NEGR1: variants seen among roughly 807,000 people sequenced by gnomAD.
NEGR1 encodes the protein neuronal growth regulator 1, also known as IgLON family member 4.
NEGR1 carries 10 observed loss-of-function variants against 40.9 expected under a neutral mutation model. That is an observed-to-expected ratio of 0.24 (90% confidence interval 0.15 to 0.42). NEGR1 has a LOEUF of 0.42. Among genes scored for constraint, NEGR1 ranks in the 10% least tolerant of loss-of-function variants. NEGR1 has a pLI of 1.00. For missense variants in NEGR1, 352 were observed against 438.9 expected (o/e 0.80, Z 1.77); for synonymous variants, 185 against 166.8 (o/e 1.11, Z -0.84).
At chr1:71,741,651 C>T (rs1292625971) in intron 3 of NEGR1, among the ~76,000 whole-genome samples, 2 of 152,108 alleles carry the variant, frequency 1.3e-5, no homozygotes, top group Non-Finnish European at 2.9e-5. Context: ...GTACATTAGA[C>T]CATTCTTTCA....
At chr1:72,043,723 T>C (rs1156516713) in intron 1 of NEGR1, among the ~76,000 whole-genome samples, 2 of 151,872 alleles carry the variant, frequency 1.3e-5, no homozygotes, top group Non-Finnish European at 2.9e-5. Context: ...ATGATCGAAA[T>C]TGGTCTGAAT....
At chr1:71,908,130 G>T (rs1318614467) in intron 2 of NEGR1, among the ~76,000 whole-genome samples, 1 of 150,762 alleles carries the variant, frequency 6.6e-6, no homozygotes, top group Non-Finnish European at 1.5e-5. Flanking sequence ...TTACAAGTCT[G>T]CACATGTACC....
At chr1:71,839,825 C>T (rs1301932684) in intron 2 of NEGR1, among the ~76,000 whole-genome samples, 1 of 152,098 alleles carries the variant, frequency 6.6e-6, no homozygotes, top group Non-Finnish European at 1.5e-5. Context: ...CTTCAAAGTG[C>T]TTCTTTTGCA....
intron 2 of NEGR1, among the ~76,000 whole-genome samples, chr1:71,916,943 CT>C: frequency 6.6e-6 from 1 of 152,230 alleles, no homozygotes; most frequent in South Asian, 2.1e-4. Context: ...TGGGCAATTT[CT>C]GATTATTTGA....
intron 6 of NEGR1, among the ~76,000 whole-genome samples, chr1:71,412,732 G>A (rs1646331568): frequency 6.6e-6 from 1 of 151,940 alleles, no homozygotes; most frequent in Non-Finnish European, 1.5e-5. Flanking sequence ...GAAGAATGAA[G>A]AAAAGAGAAG....
chr1:71,941,599 A>G (rs1307932710), intron 1 of NEGR1, among the ~76,000 whole-genome samples: 1 of 152,094 alleles, frequency 6.6e-6, no homozygotes, highest in Non-Finnish European at 1.5e-5. Context: ...CATGGTAACA[A>G]TTTGTCCAGT....
intron 5 of NEGR1, 100 bp downstream of exon 5, chr1:71,610,926 C>T (rs1650228952): frequency 8.1e-7 from 1 of 1,236,424 alleles, no homozygotes; most frequent in Non-Finnish European, 1.1e-6. Context: ...TGCTGAGAAT[C>T]ATTCAAGCCA....
chr1:71,967,582 T>C (rs1450907836), intron 1 of NEGR1, among the ~76,000 whole-genome samples: 1 of 152,228 alleles, frequency 6.6e-6, no homozygotes, highest in African/African-American at 2.4e-5. Context: ...CAAATTAACC[T>C]TATAATTATA....
intron 2 of NEGR1, among the ~76,000 whole-genome samples, chr1:71,849,399 G>C (rs1293912794): frequency 6.6e-6 from 1 of 152,138 alleles, no homozygotes; most frequent in Non-Finnish European, 1.5e-5. Context: ...AGATGTGATT[G>C]AATTGCTGTA....
At chr1:71,904,175 T>C (rs1661215954) in intron 2 of NEGR1, among the ~76,000 whole-genome samples, 1 of 151,928 alleles carries the variant, frequency 6.6e-6, no homozygotes, top group Non-Finnish European at 1.5e-5. Context: ...ACTGTATGTA[T>C]CACCAAACAT....
intron 6 of NEGR1, among the ~76,000 whole-genome samples, chr1:71,412,843 G>C (rs914842242): frequency 6.6e-6 from 1 of 152,028 alleles, no homozygotes; most frequent in East Asian, 1.9e-4. Flanking sequence ...CTTTAACAAT[G>C]TATTAGATTG....
intron 4 of NEGR1, among the ~76,000 whole-genome samples, chr1:71,688,960 T>G (rs1434740505): frequency 6.6e-6 from 1 of 152,116 alleles, no homozygotes; most frequent in East Asian, 1.9e-4. Context: ...TATCCCATAG[T>G]TTATAAGTGA....
intron 3 of NEGR1, among the ~76,000 whole-genome samples, chr1:71,764,687 G>A (rs1022702409): frequency 2.6e-5 from 4 of 152,116 alleles, no homozygotes; most frequent in Admixed American, 1.3e-4. Context: ...ATCAGAAGTT[G>A]ACAAGGACCA....
At chr1:72,075,211 A>T (rs1420078545) in intron 1 of NEGR1, among the ~76,000 whole-genome samples, 2 of 152,180 alleles carry the variant, frequency 1.3e-5, no homozygotes, top group Non-Finnish European at 2.9e-5. Context: ...GTTATTTTGT[A>T]ATTAAAGTTT....
chr1:72,195,468 T>A (rs2100436483), intron 1 of NEGR1, among the ~76,000 whole-genome samples: 1 of 152,126 alleles, frequency 6.6e-6, no homozygotes. Context: ...TAATTCAGAT[T>A]TTTTTCTTAT....
At position 71,963,784 on chromosome 1, in the gene NEGR1, T is replaced by C. The variant is rs532530439; in HGVS notation, c.177-28473A>G. ...AATCCCATTGATTAAGCATATTTAG[T>C]AATCATTTTCTCATTTTTTTGACAG... On this transcript the variant is annotated intron_variant, in intron 1 of 6. Coordinates refer to ENST00000357731, the MANE Select transcript of NEGR1 (RefSeq NM_173808.3). 9.4e-4 allele frequency among the ~76,000 whole-genome samples: 143 copies of C among 152,286 alleles called. 2 individuals carry two copies. The highest frequency in any genetic ancestry group is 2.6e-3 in the Admixed American group (40 of 15,282).
chr1:71,773,232 C>T (rs542886268), intron 3 of NEGR1, among the ~76,000 whole-genome samples: 103 of 152,272 alleles, frequency 6.8e-4, no homozygotes, highest in African/African-American at 2.4e-3. Flanking sequence ...ATGAGTGAGT[C>T]AGCAAGAATT....
intron 6 of NEGR1, among the ~76,000 whole-genome samples, chr1:71,533,395 A>G (rs1325791606): frequency 6.6e-6 from 1 of 151,636 alleles, no homozygotes; most frequent in African/African-American, 2.4e-5. Context: ...TTTCAAAGGT[A>G]AAATCTCATT....
intron 1 of NEGR1, among the ~76,000 whole-genome samples, chr1:72,002,520 C>CG (rs1178715125): frequency 6.6e-6 from 1 of 151,942 alleles, no homozygotes; most frequent in African/African-American, 2.4e-5. Flanking sequence ...AGCCTATGTC[C>CG]AGTGAAGTGA....
Sources: allele counts gnomAD v4.1 joint callset (sites outside exome capture counted in the v4.1 genomes callset), GRCh38; gene constraint gnomAD v4.1.1; transcripts MANE v1.5; gene names NCBI Gene and HGNC (gene_info 2026-07-23, HGNC 2026-07-21).